The following AK7 variants were observed in gnomAD, a reference collection of about 807,000 sequenced individuals.
AK7 encodes the protein adenylate kinase 7.
AK7 carries 78 observed loss-of-function variants against 96.6 expected under a neutral mutation model. That is an observed-to-expected ratio of 0.81 (90% CI 0.67 to 0.97). The LOEUF (loss-of-function observed/expected upper bound fraction) is 0.97, where lower values mean the gene tolerates loss of function less well. Among genes scored for constraint, AK7 ranks in the 50% least tolerant of loss-of-function variants. The pLI is 0.00. For missense variants in AK7, 855 were observed against 887.9 expected (o/e 0.96, Z 0.47); for synonymous variants, 302 against 317.2 (o/e 0.95, Z 0.51).
chr14:96,418,595 T>C (rs1455856615), intron 4 of AK7, among the ~76,000 whole-genome samples: 1 of 152,124 alleles, frequency 6.6e-6, no homozygotes, highest in Non-Finnish European at 1.5e-5. Context: ...CTCGGCTCAC[T>C]GCAACCTCAG....
intron 15 of AK7, among the ~76,000 whole-genome samples, chr14:96,480,115 G>A (rs74450743): frequency 0.034 from 5,215 of 152,110 alleles, 140 homozygotes; most frequent in African/African-American, 0.067. Context: ...CAACACTAAG[G>A]CATAACATGA....
chr14:96,412,770 T>G (rs1391722029), intron 4 of AK7, among the ~76,000 whole-genome samples: 2 of 151,986 alleles, frequency 1.3e-5, no homozygotes, highest in African/African-American at 4.8e-5. Context: ...TTTCACCGTG[T>G]TGGCCAGGCT....
rs536736407 is a variant in AK7 at position 96,394,444 on chromosome 14, A to AT, written c.105+2195dup. On this transcript the variant is annotated intron_variant, in intron 1 of 17. Transcript: ENST00000267584. ...TGCAATTGAGAAATATAATGTTTAAATTTTTTTTTTAATGGAGGAAGGGGC... is the reference window on the plus strand; with the variant it reads ...TGCAATTGAGAAATATAATGTTTAAATTTTTTTTTTTAATGGAGGAAGGGGC... Among the ~76,000 whole-genome samples the AT allele has an allele frequency of 1.9e-4, 28 of 150,486 alleles. No homozygotes were observed. The South Asian group carries it at 1.9e-3, about 10-fold the overall frequency.
intron 1 of AK7, among the ~76,000 whole-genome samples, chr14:96,392,936 C>A (rs1481323761): frequency 1.3e-5 from 2 of 152,072 alleles, no homozygotes; most frequent in Non-Finnish European, 2.9e-5. Context: ...AAATTACAGG[C>A]CGAGTAAATC....
chr14:96,486,850 C>G (rs1373265970), intron 16 of AK7, 48 bp from the exon 17 acceptor site: 1 of 1,567,556 alleles, frequency 6.4e-7, no homozygotes, highest in Non-Finnish European at 8.8e-7. Flanking sequence ...TGAGTGTTCT[C>G]CCCTTTCTCA....
chr14:96,450,169 C>A (rs1893507823), intron 9 of AK7, among the ~76,000 whole-genome samples: 1 of 152,056 alleles, frequency 6.6e-6, no homozygotes, highest in African/African-American at 2.4e-5. Flanking sequence ...ATAATCCCAG[C>A]ACTTTGGGAG....
At chr14:96,471,066 G>A (rs935168478) in intron 12 of AK7, among the ~76,000 whole-genome samples, 7 of 152,070 alleles carry the variant, frequency 4.6e-5, no homozygotes, top group Admixed American at 3.9e-4. Flanking sequence ...TACTTTAAGG[G>A]CCAAAATGTA....
intron 14 of AK7, among the ~76,000 whole-genome samples, chr14:96,474,630 A>C (rs560861773): frequency 1.3e-5 from 2 of 152,210 alleles, no homozygotes; most frequent in East Asian, 3.9e-4. Flanking sequence ...GTCTCAAAAA[A>C]ATTAATTAAA....
At chr14:96,398,940 GC>G (rs1342530006) in intron 2 of AK7, 1 of 151,732 alleles carries the variant, frequency 6.6e-6, no homozygotes, top group Non-Finnish European at 1.5e-5. Flanking sequence ...CTACCATACA[GC>G]TTTCCACATG....
In AK7 at chr14:96,456,473, C is replaced by T. The variant is rs549536560; in HGVS notation, c.1225C>T (p.Leu409=). The T allele has an allele frequency of 2.5e-5, 40 of 1,613,234 alleles. 1 individual carries two copies. The Middle Eastern group carries it at 1.2e-3, about 47-fold the overall frequency. The change falls in exon 11 of 18, where the codon CTG becomes TTG. Residue 409 remains leucine (L), a splice_region_variant and synonymous_variant. Transcript: ENST00000267584. The part of the protein sequence containing the change: ...KDVISEAIAK[L]EAIVAPNDVG... ...TGTCATTTCTGAAGCCATAGCAAAACTGGTAACACTTTAAACTATTTTCCT... is the reference window on the plus strand; with the variant it reads ...TGTCATTTCTGAAGCCATAGCAAAATTGGTAACACTTTAAACTATTTTCCT...
chr14:96,435,761 C>T (rs900937674), intron 5 of AK7, among the ~76,000 whole-genome samples: 17 of 152,122 alleles, frequency 1.1e-4, no homozygotes, highest in Non-Finnish European at 1.9e-4. Flanking sequence ...TTGAATGCTC[C>T]TTCCATGGGC....
intron 1 of AK7, 76 bp downstream of exon 1, chr14:96,392,335 G>A: frequency 7.5e-7 from 1 of 1,327,076 alleles, no homozygotes; most frequent in Non-Finnish European, 1.1e-6. Flanking sequence ...CGCAAACCCA[G>A]CGAGGGTCTG....
At chr14:96,418,168 A>AT (rs142385329) in intron 4 of AK7, among the ~76,000 whole-genome samples, 51,142 of 147,162 alleles carry the variant, frequency 0.35, 9,119 homozygotes, top group Middle Eastern at 0.39. Flanking sequence ...ACACAAAACA[A>AT]TTTTTTTTTA....
chr14:96,468,073 C>CAAA (rs35563628), intron 12 of AK7, among the ~76,000 whole-genome samples: 111 of 78,466 alleles, frequency 1.4e-3, no homozygotes, highest in African/African-American at 1.8e-3. Flanking sequence ...CCCGTCTCTA[C>CAAA]AAAAAAAAAA....
intron 5 of AK7, among the ~76,000 whole-genome samples, chr14:96,428,671 G>A (rs1297866976): frequency 2.6e-5 from 4 of 152,144 alleles, no homozygotes; most frequent in Admixed American, 6.5e-5. Context: ...GGTGTGAGAT[G>A]GTATCTCATT....
Position 96,449,895 on chromosome 14 carries a change from G to GTTTTT in AK7, c.948+25_948+29dup. The GTTTTT allele has an allele frequency of 3.3e-6, 4 of 1,217,284 alleles. No individual in the cohort carries two copies. Among genetic ancestry groups the GTTTTT allele is most frequent in the Non-Finnish European group, 4.5e-6 (4 of 883,124 alleles). 75.4% of individuals were successfully genotyped at this position (1,217,284 alleles called of 1,614,324 possible). On this transcript the variant is annotated intron_variant, in intron 9 of 17. Transcript: ENST00000267584. ...GGACTTAACGGTTAGTATATGCGGT[G>GTTTTT]TTTTTTTTTTTTTAACTATCTTTCT...
intron 1 of AK7, among the ~76,000 whole-genome samples, chr14:96,393,382 C>A (rs908624407): frequency 1.3e-4 from 20 of 152,340 alleles, no homozygotes; most frequent in African/African-American, 4.8e-4. Flanking sequence ...GCTGTGGTAA[C>A]CAATTGCCAC....
intron 4 of AK7, among the ~76,000 whole-genome samples, chr14:96,419,979 G>A (rs1566771856): frequency 6.6e-6 from 1 of 150,694 alleles, no homozygotes; most frequent in Non-Finnish European, 1.5e-5. Context: ...AGCAGAGACG[G>A]GGTTTCATCA....
intron 2 of AK7, among the ~76,000 whole-genome samples, chr14:96,400,749 G>A (rs1452347229): frequency 6.6e-6 from 1 of 152,224 alleles, no homozygotes; most frequent in Non-Finnish European, 1.5e-5. Flanking sequence ...GTCGTGAATG[G>A]AATCATTGTC....
Sources: allele counts gnomAD v4.1 joint callset (sites outside exome capture counted in the v4.1 genomes callset), GRCh38; gene constraint gnomAD v4.1.1; transcripts MANE v1.5; gene names NCBI Gene and HGNC (gene_info 2026-07-23, HGNC 2026-07-21).